THSD7A: variants seen among roughly 807,000 people sequenced by gnomAD.
THSD7A encodes thrombospondin type-1 domain-containing protein 7A.
Under a neutral mutation model 231.3 loss-of-function variants are expected in THSD7A, and 96 were observed. The observed-to-expected ratio is 0.41, with a 90% CI of 0.35 to 0.49. The LOEUF (loss-of-function observed/expected upper bound fraction) is 0.49. Among genes scored for constraint, THSD7A ranks in the 20% least tolerant of loss-of-function variants. The pLI is 0.05. For synonymous variants in THSD7A, 940 were observed against 743.3 expected (o/e 1.26, Z -4.30); for missense variants, 2,290 against 2,070.2 (o/e 1.11, Z -2.06).
Position 11,636,425 on chromosome 7 carries a change from A to T in THSD7A, c.727T>A (p.Ser243Thr). The change falls in exon 2 of 28, where the codon TCC (serine) becomes ACC (threonine). Residue 243 changes from serine to threonine, a missense_variant. Physicochemically the swap from Ser to Thr is moderately conservative, Grantham distance 58. Transcript: ENST00000423059. The surrounding 1 kb of genome is among the most constrained non-coding windows in gnomAD (Gnocchi z 10.0). ...PNLTEFQVCQSSPCEAEELRY... is the reference protein window; with the variant it reads ...PNLTEFQVCQTSPCEAEELRY... ...AGCTCCTCGGCCTCGCATGGACTGGATTGGCACACCTGGAACTCCGTCAGG... is the reference window on the plus strand; with the variant it reads ...AGCTCCTCGGCCTCGCATGGACTGGTTTGGCACACCTGGAACTCCGTCAGG... 1.2e-6 allele frequency: 2 copies of T among 1,613,608 alleles called. No individual in the cohort carries two copies. The highest frequency in any genetic ancestry group is 2.2e-5 in the East Asian group (1 of 44,846).
intron 1 of THSD7A, among the ~76,000 whole-genome samples, chr7:11,826,825 A>G (rs1024354918): frequency 6.6e-6 from 1 of 151,940 alleles, no homozygotes; most frequent in African/African-American, 2.4e-5. Context: ...AAAAAAAAAA[A>G]AAAAAAAATG....
chr7:11,740,385 T>G (rs905989398), intron 1 of THSD7A, among the ~76,000 whole-genome samples: 1 of 152,018 alleles, frequency 6.6e-6, no homozygotes, highest in African/African-American at 2.4e-5. Flanking sequence ...TTGTGGAAGC[T>G]AAATGAAGAT....
intron 14 of THSD7A, among the ~76,000 whole-genome samples, chr7:11,427,719 C>A (rs1168369721): frequency 6.6e-6 from 1 of 151,994 alleles, no homozygotes; most frequent in Non-Finnish European, 1.5e-5. Flanking sequence ...GAGAAATATT[C>A]TTTTGTATTA....
At chr7:11,609,171 T>C (rs1020344241) in intron 2 of THSD7A, among the ~76,000 whole-genome samples, 3 of 152,248 alleles carry the variant, frequency 2.0e-5, no homozygotes, top group Admixed American at 6.5e-5. Context: ...AGAGTCAACT[T>C]CACCCAGTGG....
At chr7:11,771,137 T>C (rs1783216296) in intron 1 of THSD7A, among the ~76,000 whole-genome samples, 1 of 150,984 alleles carries the variant, frequency 6.6e-6, no homozygotes, top group African/African-American at 2.4e-5. Flanking sequence ...TCATAATTAA[T>C]ATAAAATATG....
chr7:11,482,604 A>G (rs1786476195), intron 6 of THSD7A, among the ~76,000 whole-genome samples: 1 of 152,218 alleles, frequency 6.6e-6, no homozygotes, highest in Non-Finnish European at 1.5e-5. Flanking sequence ...ACAATAGAAA[A>G]CAAACAAATG....
At chr7:11,709,155 GT>G (rs373923976) in intron 1 of THSD7A, among the ~76,000 whole-genome samples, 116 of 150,820 alleles carry the variant, frequency 7.7e-4, no homozygotes, top group African/African-American at 2.6e-3. Flanking sequence ...TTTCTTAACA[GT>G]TTTTTCTGAA....
At chr7:11,389,090 G>A (rs985082032) in intron 23 of THSD7A, among the ~76,000 whole-genome samples, 2 of 152,278 alleles carry the variant, frequency 1.3e-5, no homozygotes, top group Middle Eastern at 3.4e-3. Context: ...TTGATTTGGG[G>A]TGGAGAGTTC....
At chr7:11,799,453 A>T (rs900363849) in intron 1 of THSD7A, among the ~76,000 whole-genome samples, 3 of 152,234 alleles carry the variant, frequency 2.0e-5, no homozygotes, top group African/African-American at 7.2e-5. Context: ...CTTCAAAACC[A>T]CATTAGTAAA....
chr7:11,618,053 A>C (rs779315160), intron 2 of THSD7A, among the ~76,000 whole-genome samples: 1 of 152,256 alleles, frequency 6.6e-6, no homozygotes. Flanking sequence ...TCTTTTAAAA[A>C]TAAATTTGAC....
intron 4 of THSD7A, among the ~76,000 whole-genome samples, chr7:11,560,432 A>G (rs1401734368): frequency 8.1e-6 from 1 of 122,970 alleles, no homozygotes; most frequent in Non-Finnish European, 1.8e-5. Flanking sequence ...GAGACAAAAA[A>G]TAAGACTATA....
chr7:11,597,407 G>A (rs765607275), intron 2 of THSD7A, among the ~76,000 whole-genome samples: 5 of 152,166 alleles, frequency 3.3e-5, no homozygotes, highest in African/African-American at 2.4e-5. Context: ...TTTGAGTGGG[G>A]TCCAGAACAG....
intron 4 of THSD7A, among the ~76,000 whole-genome samples, chr7:11,551,910 A>T (rs1474524814): frequency 1.3e-5 from 2 of 152,108 alleles, no homozygotes; most frequent in Non-Finnish European, 2.9e-5. Flanking sequence ...TCATCACAGA[A>T]CTATTCAAAA....
Position 11,783,123 on chromosome 7 carries a change from C to T in THSD7A, c.190+48634G>A, listed in dbSNP as rs561859456. Reference sequence around the variant, plus strand: ...CCATCAGCAATAACATTGATAACCACTATGGAATACAGATGCCCTTCTACT... The same window carrying T: ...CCATCAGCAATAACATTGATAACCATTATGGAATACAGATGCCCTTCTACT... On this transcript the variant is annotated intron_variant, in intron 1 of 27. Coordinates refer to ENST00000423059, the MANE Select transcript of THSD7A (RefSeq NM_015204.3). Among the ~76,000 whole-genome samples, 3 of 152,250 alleles carry T rather than the reference C, an allele frequency of 2.0e-5. No individual in the cohort carries two copies. The South Asian group carries it at 6.2e-4, about 32-fold the overall frequency.
At chr7:11,596,849 A>T (rs1006224374) in intron 2 of THSD7A, among the ~76,000 whole-genome samples, 4 of 152,252 alleles carry the variant, frequency 2.6e-5, no homozygotes, top group African/African-American at 9.6e-5. Flanking sequence ...GACACCTGGT[A>T]TGCAGCCATT....
At chr7:11,799,180 C>T (rs543566292) in intron 1 of THSD7A, among the ~76,000 whole-genome samples, 3 of 152,160 alleles carry the variant, frequency 2.0e-5, no homozygotes, top group Non-Finnish European at 4.4e-5. Flanking sequence ...CTTGGCCTCT[C>T]AAAGTGCTGG....
At chr7:11,745,981 G>T (rs1412881359) in intron 1 of THSD7A, among the ~76,000 whole-genome samples, 1 of 152,042 alleles carries the variant, frequency 6.6e-6, no homozygotes, top group Non-Finnish European at 1.5e-5. Flanking sequence ...ATTCTGTGAA[G>T]AAAGTCATTG....
At chr7:11,397,424 A>C (rs1191153369) in intron 23 of THSD7A, among the ~76,000 whole-genome samples, 3 of 152,236 alleles carry the variant, frequency 2.0e-5, no homozygotes, top group Non-Finnish European at 4.4e-5. Context: ...GATGGATTAA[A>C]GACGTAAACC....
chr7:11,519,299 T>C (rs1788165415), intron 6 of THSD7A, among the ~76,000 whole-genome samples: 1 of 151,932 alleles, frequency 6.6e-6, no homozygotes, highest in African/African-American at 2.4e-5. Context: ...CTCTTCTTCC[T>C]ACAGGCAACC....
Sources: allele counts gnomAD v4.1 joint callset (sites outside exome capture counted in the v4.1 genomes callset), GRCh38; gene constraint gnomAD v4.1.1; non-coding constraint Gnocchi (gnomAD v3.1); transcripts MANE v1.5; gene names NCBI Gene and HGNC (gene_info 2026-07-23, HGNC 2026-07-21).